ADAM20: variants seen among roughly 807,000 people sequenced by gnomAD.
ADAM20 encodes disintegrin and metalloproteinase domain-containing protein 20.
For synonymous variants in ADAM20, 305 were observed against 310.2 expected (o/e 0.98, Z 0.18); for missense variants, 871 against 883.2 (o/e 0.99, Z 0.18).
the ADAM20 span, among the ~76,000 whole-genome samples, chr14:70,570,890 A>G: frequency 3.2e-4 from 48 of 152,324 alleles, 1 homozygote; most frequent in East Asian, 8.7e-3. Flanking sequence ...ATTCAACATC[A>G]TATCAACCAG....
chr14:70,524,544 A>G lies in ADAM20; in HGVS notation c.214T>C (p.Tyr72His), dbSNP rs767826634. ...SYSLRFGGQR[Y>H]IVHMRVNKLL... ...TTATTTACCCTCATGTGGACAATGT[A>G]TCTCTGTCCCCCAAACCGCAGGCTA... The change falls in exon 2 of 2, where the codon TAC becomes CAC. Residue 72 changes from tyrosine (Y) to histidine (H), a missense_variant. Tyr to His is a moderately conservative substitution (Grantham distance 83, BLOSUM62 2). Coordinates refer to ENST00000256389, the MANE Select transcript of ADAM20 (RefSeq NM_003814.5). 14 of 1,613,856 alleles carry G rather than the reference A, an allele frequency of 8.7e-6. No individual in the cohort carries two copies. The highest frequency in any genetic ancestry group is 2.2e-5 in the East Asian group (1 of 44,890).
Position 70,522,358 on chromosome 14 carries a change from T to C in ADAM20, c.*219A>G, listed in dbSNP as rs1336803785. 4 of 460,736 alleles carry C rather than the reference T, an allele frequency of 8.7e-6. No homozygotes were observed. The highest frequency in any genetic ancestry group is 1.5e-5 in the Non-Finnish European group (4 of 265,548). The allele number at this position is 460,736 out of a possible 1,614,324, so 28.5% of individuals were successfully genotyped here. A position where few individuals can be genotyped will look rare whatever the true frequency, so the allele number is the denominator to read the frequency against. ...TGCTCAGGAAACATAAAGACACAAC[T>C]TCTGGGAAAAGGAACCTTTAATATT... On this transcript the variant is annotated 3_prime_UTR_variant, in exon 2 of 2. Transcript: ENST00000256389.
the ADAM20 span, among the ~76,000 whole-genome samples, chr14:70,572,148 C>T: frequency 6.6e-6 from 1 of 151,988 alleles, no homozygotes; most frequent in African/African-American, 2.4e-5. Context: ...TCACATGGCA[C>T]CAAAAAAGAG....
rs1883531602 is a variant in ADAM20, at chr14:70,524,278, C to A, written c.480G>T (p.Lys160Asn). ...GAAACTGTGTATCATCACTGTCTAT[C>A]TTATATACTAGGTGTTCAAATGTGG... ...VSATFEHLVY[K>N]IDSDDTQFPP... The change falls in exon 2 of 2, where the codon AAG becomes AAT. Residue 160 changes from lysine to asparagine, a missense_variant. Physicochemically the swap from Lys to Asn is moderately conservative, Grantham distance 94. Transcript: ENST00000256389. The A allele has an allele frequency of 6.2e-7, 1 of 1,613,998 alleles. No homozygotes were observed. Among genetic ancestry groups the A allele is most frequent in the African/African-American group, 1.3e-5 (1 of 75,008 alleles).
At chr14:70,527,023 G>C (rs1452195257) in intron 1 of ADAM20, among the ~76,000 whole-genome samples, 1 of 152,066 alleles carries the variant, frequency 6.6e-6, no homozygotes. Flanking sequence ...TGTAACCAGA[G>C]TTTATATTTA....
the ADAM20 span, among the ~76,000 whole-genome samples, chr14:70,558,731 C>T: frequency 1.2e-3 from 183 of 152,256 alleles, no homozygotes; most frequent in African/African-American, 4.2e-3. Flanking sequence ...AGAATACACA[C>T]ATTTCAGGCA....
chr14:70,540,949 C>T, the ADAM20 span, among the ~76,000 whole-genome samples: 4 of 152,282 alleles, frequency 2.6e-5, no homozygotes, highest in South Asian at 2.1e-4. Flanking sequence ...CATGCCACCA[C>T]GCCCAGCTAA....
At chr14:70,559,652 T>C in the ADAM20 span, among the ~76,000 whole-genome samples, 2 of 152,222 alleles carry the variant, frequency 1.3e-5, no homozygotes, top group Non-Finnish European at 1.5e-5. Context: ...GCCATCACTA[T>C]CGCTCTCTCC....
chr14:70,537,575 C>T (rs1883862816), upstream of ADAM20, among the ~76,000 whole-genome samples: 1 of 152,184 alleles, frequency 6.6e-6, no homozygotes, highest in Non-Finnish European at 1.5e-5. Context: ...CCAGTTTCTT[C>T]TCAGCTTGAC....
chr14:70,570,936 G>C, the ADAM20 span, among the ~76,000 whole-genome samples: 1 of 152,032 alleles, frequency 6.6e-6, no homozygotes, highest in East Asian at 1.9e-4. Flanking sequence ...TTATTTCTGG[G>C]AAACAAGGAT....
In ADAM20 at chr14:70,522,466, G is replaced by A; in HGVS notation, c.*111C>T. 9.1e-7 allele frequency: 1 copy of A among 1,100,416 alleles called. No individual in the cohort carries two copies. The highest frequency in any genetic ancestry group is 1.3e-6 in the Non-Finnish European group (1 of 790,790). 68.2% of individuals were successfully genotyped at this position (1,100,416 alleles called of 1,614,324 possible). A position where few individuals can be genotyped will look rare whatever the true frequency, so the allele number is the denominator to read the frequency against. On this transcript the variant is annotated 3_prime_UTR_variant, in exon 2 of 2. Transcript: ENST00000256389. ...AATGCTTGCAATCCTGACATGAAAT[G>A]TCCATGAAGTTTTATTTAAACAGTG... is the stretch of plus-strand genomic sequence containing the variant.
At chr14:70,535,551 G>A (rs1231809453), upstream of ADAM20, among the ~76,000 whole-genome samples, 1 of 152,150 alleles carries the variant, frequency 6.6e-6, no homozygotes, top group Non-Finnish European at 1.5e-5. Context: ...AGAAGTCTAT[G>A]CACCTCAAGC....
chr14:70,538,348 T>C (rs899024446), upstream of ADAM20, among the ~76,000 whole-genome samples: 2 of 152,180 alleles, frequency 1.3e-5, no homozygotes. Flanking sequence ...TCCCCCTCAT[T>C]ATCTCAGGGA....
At chr14:70,553,332 A>C in the ADAM20 span, among the ~76,000 whole-genome samples, 10 of 114,960 alleles carry the variant, frequency 8.7e-5, no homozygotes, top group South Asian at 2.6e-3. Context: ...AAAAAAAAAA[A>C]CTAGTAGCAG....
At chr14:70,557,230 G>A in the ADAM20 span, 1 of 152,178 alleles carries the variant, frequency 6.6e-6, no homozygotes, top group African/African-American at 2.4e-5. Context: ...AGTTGATATT[G>A]GGCAAGTAAA....
At chr14:70,532,712 C>T (rs1385763241) in intron 1 of ADAM20, among the ~76,000 whole-genome samples, 1 of 152,142 alleles carries the variant, frequency 6.6e-6, no homozygotes, top group African/African-American at 2.4e-5. Context: ...GCCCAAGGCC[C>T]TAAATTCACA....
chr14:70,569,270 CAGA>C, the ADAM20 span, among the ~76,000 whole-genome samples: 20 of 152,112 alleles, frequency 1.3e-4, no homozygotes, highest in Admixed American at 1.3e-4. Flanking sequence ...GAAATATTCA[CAGA>C]AGTTCTAAAG....
the ADAM20 span, among the ~76,000 whole-genome samples, chr14:70,569,885 CAAAAAAAAAAAAAA>C: frequency 3.2e-4 from 24 of 76,188 alleles, no homozygotes; most frequent in African/African-American, 4.7e-4. Context: ...AGAAAACTAA[CAAAAAAAAAAAAAA>C]AAAAAAAAAA....
the ADAM20 span, among the ~76,000 whole-genome samples, chr14:70,555,101 C>T: frequency 1.3e-5 from 2 of 152,158 alleles, no homozygotes; most frequent in African/African-American, 2.4e-5. Context: ...AAGTGTGAAT[C>T]GCCCTTATGT....
Sources: gnomAD v4.1 joint callset for allele counts (sites outside exome capture counted in the v4.1 genomes callset) on GRCh38, gnomAD v4.1.1 for gene constraint, MANE v1.5 for transcripts, NCBI Gene and HGNC (gene_info 2026-07-23, HGNC 2026-07-21) for gene names.